The following CCSER2 variants were observed in gnomAD, a reference collection of about 807,000 sequenced individuals.
The protein encoded by CCSER2 is coiled-coil serine rich protein 2.
Under a neutral mutation model 92.3 loss-of-function variants are expected in CCSER2, and 46 were observed. That is an observed-to-expected ratio of 0.50 (90% CI 0.39 to 0.64). The LOEUF is 0.64. CCSER2 is among the 30% of genes least tolerant of loss of function. The pLI, the probability that CCSER2 is intolerant of heterozygous loss-of-function variation, is 0.00. For missense variants in CCSER2, 1,244 were observed against 1,238.9 expected, an observed-to-expected ratio of 1.00 and a Z score of -0.06; for synonymous variants, 433 against 431.4, an observed-to-expected ratio of 1.00 and a Z score of -0.04.
At chr10:84,457,574 TTATATATTATATATAATTATATATTTATA>T (rs1172664279) in intron 6 of CCSER2, among the ~76,000 whole-genome samples, 2 of 12,096 alleles carry the variant, frequency 1.7e-4, no homozygotes, top group Non-Finnish European at 3.3e-4. Flanking sequence ...AAATTTATAT[TTATATATTATATATAATTATATATTTATA>T]TATTATATAT....
At chr10:84,490,784 G>A (rs1188893237) in intron 9 of CCSER2, among the ~76,000 whole-genome samples, 2 of 152,222 alleles carry the variant, frequency 1.3e-5, no homozygotes, top group East Asian at 3.8e-4. Flanking sequence ...TGCTGGCGAG[G>A]AGCTGCGTTC....
intron 8 of CCSER2, among the ~76,000 whole-genome samples, chr10:84,471,023 T>C (rs1846759574): frequency 6.6e-6 from 1 of 152,082 alleles, no homozygotes; most frequent in Non-Finnish European, 1.5e-5. Flanking sequence ...ATTACTTAGT[T>C]TGTATATAAA....
intron 3 of CCSER2, among the ~76,000 whole-genome samples, chr10:84,380,090 C>T (rs1470559732): frequency 2.0e-5 from 3 of 152,130 alleles, no homozygotes; most frequent in African/African-American, 7.2e-5. Flanking sequence ...CTAAAATGGT[C>T]CTACCAGTGT....
intron 9 of CCSER2, among the ~76,000 whole-genome samples, chr10:84,495,613 T>G (rs1468818260): frequency 1.3e-5 from 2 of 152,208 alleles, no homozygotes; most frequent in Non-Finnish European, 2.9e-5. Context: ...AGATTATGCT[T>G]CAGCTACTAT....
intron 3 of CCSER2, among the ~76,000 whole-genome samples, chr10:84,406,079 G>A (rs974578793): frequency 2.0e-5 from 3 of 152,204 alleles, no homozygotes; most frequent in African/African-American, 7.2e-5. Context: ...TACACAAACT[G>A]TACATTCGCA....
intron 1 of CCSER2, among the ~76,000 whole-genome samples, chr10:84,348,509 AGG>A (rs1844677965): frequency 2.0e-5 from 3 of 151,674 alleles, no homozygotes. Flanking sequence ...GAAGAGGGAG[AGG>A]GCAAGGGCGA....
intron 3 of CCSER2, among the ~76,000 whole-genome samples, chr10:84,408,839 C>T (rs1388597788): frequency 6.6e-6 from 1 of 152,016 alleles, no homozygotes; most frequent in African/African-American, 2.4e-5. Flanking sequence ...TACTCAGACA[C>T]ACATACACAA....
chr10:84,426,468 G>T (rs1303467661), intron 5 of CCSER2, among the ~76,000 whole-genome samples: 1 of 152,080 alleles, frequency 6.6e-6, no homozygotes, highest in Non-Finnish European at 1.5e-5. Context: ...TGCAAGCTTA[G>T]ATAATTTATT....
intron 1 of CCSER2, among the ~76,000 whole-genome samples, chr10:84,359,539 C>G (rs952175405): frequency 2.0e-5 from 3 of 152,070 alleles, no homozygotes; most frequent in Non-Finnish European, 4.4e-5. Context: ...TAACAAGTTT[C>G]TAGGTGTTAT....
intron 9 of CCSER2, among the ~76,000 whole-genome samples, chr10:84,479,528 A>G (rs1847338895): frequency 6.6e-6 from 1 of 152,234 alleles, no homozygotes; most frequent in African/African-American, 2.4e-5. Context: ...GAAATATAGT[A>G]GTAGAAAAGG....
intron 3 of CCSER2, among the ~76,000 whole-genome samples, chr10:84,376,819 C>A (rs139039524): frequency 6.6e-6 from 1 of 152,012 alleles, no homozygotes; most frequent in Non-Finnish European, 1.5e-5. Context: ...ATGAACATTC[C>A]GGAAAATTCA....
At chr10:84,462,868 G>C (rs1846185485) in intron 6 of CCSER2, among the ~76,000 whole-genome samples, 1 of 152,130 alleles carries the variant, frequency 6.6e-6, no homozygotes, top group South Asian at 2.1e-4. Context: ...ATTATCCATG[G>C]TATGGGAGAA....
At position 84,371,247 on chromosome 10, in the gene CCSER2, T is replaced by C. The variant is rs17103381; in HGVS notation, c.195T>C (p.Asn65=). The C allele has an allele frequency of 0.016, 25,578 of 1,613,124 alleles. 783 individuals carry two copies. Among genetic ancestry groups the C allele is most frequent in the Admixed American group, 0.12 (7,181 of 59,858 alleles). Residue 65 remains asparagine (N), a synonymous_variant, in exon 2 of 10, where the codon AAT becomes AAC. Transcript: ENST00000372088. The stretch of plus-strand genomic sequence containing the variant: ...ATTGTCCATCATCTCATTCATTTAA[T>C]TGGAGGAAAGCAAATAAATATCAGC... ...GSDCPSSHSF[N]WRKANKYQLC...
rs981638981 is a variant in CCSER2, at chr10:84,349,819, A to G, written c.-40+21011A>G. Among the ~76,000 whole-genome samples, 6 of 152,042 alleles carry G rather than the reference A, an allele frequency of 3.9e-5. No individual in the cohort carries two copies. In the Middle Eastern group the frequency reaches 0.01, roughly 259 times the overall value. On this transcript the variant is annotated intron_variant, in intron 1 of 9. Coordinates refer to ENST00000372088, the MANE Select transcript of CCSER2 (RefSeq NM_001284240.2). ...CTGCTTCTACATTTTCTTCTTTCCT[A>G]TTCATTCTCCACATAACAGCCAGAA...
intron 1 of CCSER2, among the ~76,000 whole-genome samples, chr10:84,359,453 T>C (rs4261230): frequency 0.85 from 130,089 of 152,194 alleles, 55,677 homozygotes; most frequent in East Asian, 0.9. Flanking sequence ...TGGAAGGCTT[T>C]ATTAAAACAA....
intron 3 of CCSER2, chr10:84,390,908 T>C (rs1589524869): frequency 2.7e-6 from 2 of 732,568 alleles, no homozygotes; most frequent in East Asian, 5.0e-5. Flanking sequence ...TTTTGCTGCC[T>C]AGAAGAGGAG....
intron 8 of CCSER2, among the ~76,000 whole-genome samples, chr10:84,472,801 C>T (rs1846897312): frequency 6.6e-6 from 1 of 152,084 alleles, no homozygotes; most frequent in South Asian, 2.1e-4. Flanking sequence ...AAGAACAGGT[C>T]TCTTCATAGC....
At chr10:84,382,549 C>G (rs138122463) in intron 3 of CCSER2, among the ~76,000 whole-genome samples, 1 of 152,308 alleles carries the variant, frequency 6.6e-6, no homozygotes, top group Non-Finnish European at 1.5e-5. Flanking sequence ...GTGAGCCATA[C>G]TCAGAATCTT....
chr10:84,436,370 T>TCAAGCCTG (rs71013321), intron 5 of CCSER2, among the ~76,000 whole-genome samples: 2,022 of 102,188 alleles, frequency 0.02, 133 homozygotes, highest in Admixed American at 0.041. Flanking sequence ...GCGCGGTGTC[T>TCAAGCCTG]CAAGCCTGTC....
Sources: allele counts gnomAD v4.1 joint callset (sites outside exome capture counted in the v4.1 genomes callset), GRCh38; gene constraint gnomAD v4.1.1; transcripts MANE v1.5; gene names NCBI Gene and HGNC (gene_info 2026-07-23, HGNC 2026-07-21).